The following DCTN4 variants were observed in gnomAD, a reference collection of about 807,000 sequenced individuals.
The protein encoded by DCTN4 is dynactin subunit 4.
A neutral mutation model predicts 62.7 loss-of-function variants in DCTN4; 23 were observed. The ratio of observed to expected loss-of-function variants is 0.37; its 90% CI spans 0.26 to 0.52. The LOEUF (loss-of-function observed/expected upper bound fraction) is 0.52, where lower values mean the gene tolerates loss of function less well. DCTN4 is among the 20% of genes least tolerant of loss of function. The pLI is 0.92. For missense variants in DCTN4, 514 were observed against 580.4 expected (o/e 0.89, Z 1.18); for synonymous variants, 199 against 202.1 (o/e 0.98, Z 0.13).
intron 3 of DCTN4, among the ~76,000 whole-genome samples, chr5:150,746,839 A>C (rs1364174395): frequency 2.0e-5 from 3 of 152,230 alleles, no homozygotes; most frequent in Non-Finnish European, 4.4e-5. Context: ...ATCATACTGA[A>C]TGGGCAAAAA....
At chr5:150,731,998 G>A in intron 5 of DCTN4, 2 of 1,055,514 alleles carry the variant, frequency 1.9e-6, no homozygotes, top group South Asian at 2.7e-5. Flanking sequence ...AGGTTATATG[G>A]GAAAATTGGA....
At chr5:150,744,447 A>G (rs1307543848) in intron 3 of DCTN4, among the ~76,000 whole-genome samples, 2 of 152,088 alleles carry the variant, frequency 1.3e-5, no homozygotes, top group Non-Finnish European at 2.9e-5. Context: ...GAATGCCACA[A>G]AGATACTCCT....
rs776872096 is a variant in DCTN4, at chr5:150,731,919, A to C, written c.538-430T>G. On this transcript the variant is annotated intron_variant, in intron 5 of 12. Transcript: ENST00000447998. ...GAATAGTATGTTGCTGTAGAGCCCC[A>C]AAATAGCAGCAGGTTGCAACAGAGA... The C allele has an allele frequency of 1.3e-6, 2 of 1,551,672 alleles. No individual in the cohort carries two copies. Among genetic ancestry groups the C allele is most frequent in the South Asian group, 1.2e-5 (1 of 84,058 alleles).
chr5:150,733,236 C>T (rs1203963552), intron 5 of DCTN4, 132 bp downstream of exon 5: 2 of 581,718 alleles, frequency 3.4e-6, no homozygotes, highest in South Asian at 2.5e-5. Context: ...TGGACTTAAA[C>T]GTCTATAATT....
In DCTN4 at chr5:150,731,507, A is replaced by C. The variant is rs1222585988; in HGVS notation, c.538-18T>G. 1 of 1,608,062 alleles carries C rather than the reference A, an allele frequency of 6.2e-7. No individual in the cohort carries two copies. Reference sequence around the variant, plus strand: ...TATTTGTCCTAAACAAAGTTCAGAAATTCCTATTAGAAAGTCCACTTTTAC... The same window carrying C: ...TATTTGTCCTAAACAAAGTTCAGAACTTCCTATTAGAAAGTCCACTTTTAC... On this transcript the variant is annotated intron_variant, in intron 5 of 12. Transcript: ENST00000447998.
chr5:150,722,540 AGG>A (rs1305393986), intron 9 of DCTN4, among the ~76,000 whole-genome samples: 1 of 152,238 alleles, frequency 6.6e-6, no homozygotes, highest in African/African-American at 2.4e-5. Flanking sequence ...ACACTGTTAC[AGG>A]GATACTCTTC....
chr5:150,752,911 G>C (rs918748382), intron 3 of DCTN4, among the ~76,000 whole-genome samples: 2 of 151,472 alleles, frequency 1.3e-5, no homozygotes, highest in African/African-American at 4.9e-5. Context: ...CTGTCACCCA[G>C]GCTGGAGTGC....
At chr5:150,734,700 C>T (rs144893809) in intron 4 of DCTN4, among the ~76,000 whole-genome samples, 51 of 152,294 alleles carry the variant, frequency 3.3e-4, no homozygotes, top group Admixed American at 2.4e-3. Flanking sequence ...CCACAGCAGT[C>T]GGGAAGGGGC....
In DCTN4 at chr5:150,710,897, G is replaced by A; in HGVS notation, c.*252C>T. The A allele has an allele frequency of 8.0e-6, 4 of 502,720 alleles. No individual in the cohort carries two copies. Among genetic ancestry groups the A allele is most frequent in the Non-Finnish European group, 1.4e-5 (4 of 276,340 alleles). The allele number at this position is 502,720 out of a possible 1,614,324, so 31.1% of individuals were successfully genotyped here. A position where few individuals can be genotyped will look rare whatever the true frequency, so the allele number is the denominator to read the frequency against. On this transcript the variant is annotated 3_prime_UTR_variant, in exon 13 of 13. Transcript: ENST00000447998. Reference sequence around the variant, plus strand: ...CCCTTTCCTAGGATGGAATTATGCTGCTGTTACTCAACGTGCAGGGTTCAG... The same window carrying A: ...CCCTTTCCTAGGATGGAATTATGCTACTGTTACTCAACGTGCAGGGTTCAG...
intron 8 of DCTN4, 76 bp from the exon 9 acceptor site, chr5:150,723,056 G>A (rs1760011949): frequency 3.7e-6 from 4 of 1,072,298 alleles, no homozygotes; most frequent in Non-Finnish European, 5.6e-6. Context: ...GCTAAATTCA[G>A]AAGGACAGCA....
rs563653751 is a variant in DCTN4 at position 150,709,362 on chromosome 5, T to C, written c.*1787A>G. ...CATGTGTGTAGTCTATGCAAACGTG[T>C]AAACATATGAAGCTATTCTCTACTC... On this transcript the variant is annotated 3_prime_UTR_variant, in exon 13 of 13. Coordinates refer to ENST00000447998, the MANE Select transcript of DCTN4 (RefSeq NM_016221.4). 1 of 152,438 alleles carries C rather than the reference T, an allele frequency of 6.6e-6. No individual in the cohort carries two copies. The highest frequency in any genetic ancestry group is 2.1e-4 in the South Asian group (1 of 4,830). 9.4% of individuals were successfully genotyped at this position (152,438 alleles called of 1,614,324 possible). A position where few individuals can be genotyped will look rare whatever the true frequency, so the allele number is the denominator to read the frequency against.
intron 12 of DCTN4, among the ~76,000 whole-genome samples, chr5:150,712,492 A>T (rs978629652): frequency 2.6e-5 from 4 of 152,062 alleles, no homozygotes; most frequent in Non-Finnish European, 4.4e-5. Context: ...CAGTGGCACG[A>T]TCATAGTTCA....
Position 150,710,109 on chromosome 5 carries a change from C to G in DCTN4, c.*1040G>C, listed in dbSNP as rs543037543. 2.6e-5 allele frequency: 4 copies of G among 152,328 alleles called. No individual in the cohort carries two copies. Among genetic ancestry groups the G allele is most frequent in the Non-Finnish European group, 5.9e-5 (4 of 68,028 alleles). The allele number at this position is 152,328 out of a possible 1,614,324, so 9.4% of individuals were successfully genotyped here. A position where few individuals can be genotyped will look rare whatever the true frequency, so the allele number is the denominator to read the frequency against. On this transcript the variant is annotated 3_prime_UTR_variant, in exon 13 of 13. Transcript: ENST00000447998. ...CTTAAACTTAGTAAGGGGGAAAGTT[C>G]TTAATATCCAGTTTTGGATTCAAGA...
chr5:150,714,982 T>C (rs776014503), intron 12 of DCTN4, among the ~76,000 whole-genome samples: 20 of 152,336 alleles, frequency 1.3e-4, no homozygotes, highest in Admixed American at 2.6e-4. Flanking sequence ...CAGTGTTCTT[T>C]TTCACTTTTT....
chr5:150,723,955 T>G (rs955845182), intron 8 of DCTN4, among the ~76,000 whole-genome samples: 2 of 152,206 alleles, frequency 1.3e-5, no homozygotes, highest in African/African-American at 4.8e-5. Context: ...AGATAGAAAT[T>G]GATGGACATT....
chr5:150,748,314 T>C (rs1752535385), intron 3 of DCTN4, among the ~76,000 whole-genome samples: 2 of 150,756 alleles, frequency 1.3e-5, no homozygotes. Context: ...TGTGGAGAAA[T>C]AGGAACACTT....
At chr5:150,758,192 G>A in intron 1 of DCTN4, 3 of 985,582 alleles carry the variant, frequency 3.0e-6, no homozygotes, top group Non-Finnish European at 3.6e-6. Context: ...GTTATTTGGT[G>A]ACTTTTTACT....
chr5:150,746,644 C>G (rs1752440861), intron 3 of DCTN4, among the ~76,000 whole-genome samples: 1 of 152,132 alleles, frequency 6.6e-6, no homozygotes, highest in African/African-American at 2.4e-5. Context: ...ATACGCAAAT[C>G]AATAAATGTA....
At chr5:150,753,074 C>T (rs1267170883) in intron 3 of DCTN4, among the ~76,000 whole-genome samples, 1 of 152,122 alleles carries the variant, frequency 6.6e-6, no homozygotes, top group African/African-American at 2.4e-5. Flanking sequence ...ACTGTGTTAG[C>T]CAGGATGGTC....
Sources: gnomAD v4.1 joint callset for allele counts (sites outside exome capture counted in the v4.1 genomes callset) on GRCh38, gnomAD v4.1.1 for gene constraint, MANE v1.5 for transcripts, NCBI Gene and HGNC (gene_info 2026-07-23, HGNC 2026-07-21) for gene names.